Variants in CAPN3 observed in about 807,000 individuals in gnomAD.
The protein encoded by CAPN3 is calpain 3.
A neutral mutation model predicts 114.0 loss-of-function variants in CAPN3; 88 were observed. That is an observed-to-expected ratio of 0.77 (90% CI 0.65 to 0.92). The LOEUF (loss-of-function observed/expected upper bound fraction) is 0.92, where lower values mean the gene tolerates loss of function less well. CAPN3 is among the 40% of genes least tolerant of loss of function. CAPN3 has a pLI of 0.00. For synonymous variants in CAPN3, 386 were observed against 382.9 expected, an observed-to-expected ratio of 1.01 and a Z score of -0.09; for missense variants, 1,028 against 1,069.0, an observed-to-expected ratio of 0.96 and a Z score of 0.53.
At position 42,389,975 on chromosome 15, in the gene CAPN3, G is replaced by A. The variant is rs2053510729; in HGVS notation, c.824G>A (p.Gly275Glu). The change falls in exon 6 of 24, where the codon GGA (glycine) becomes GAA (glutamate). Residue 275 changes from glycine (G) to glutamate (E), a missense_variant. Gly to Glu is a moderately conservative substitution (Grantham distance 98). Transcript: ENST00000397163. ...CAGGATGGCACGAACATGACCTATG[G>A]AACCTCTCCTTCTGGTCTGAACATG... is the stretch of plus-strand genomic sequence containing the variant. Reference protein sequence around the residue: ...SIDDGTNMTYGTSPSGLNMGE... With the variant: ...SIDDGTNMTYETSPSGLNMGE... The A allele has an allele frequency of 6.2e-7, 1 of 1,613,932 alleles. No homozygotes were observed. The highest frequency in any genetic ancestry group is 8.5e-7 in the Non-Finnish European group (1 of 1,180,024).
intron 13 of CAPN3, 133 bp from the exon 14 acceptor site, chr15:42,403,608 G>C (rs1595839467): frequency 1.2e-6 from 1 of 816,074 alleles, no homozygotes; most frequent in Non-Finnish European, 2.2e-6. Context: ...CCTGGGGTTG[G>C]GGTGTTCCAG....
At chr15:42,374,798 T>TC (rs1486221748) in intron 1 of CAPN3, among the ~76,000 whole-genome samples, 2 of 120,076 alleles carry the variant, frequency 1.7e-5, no homozygotes, top group African/African-American at 7.7e-5. Flanking sequence ...ATGTCTCTTT[T>TC]TTTTTTTTTT....
rs2053515486 is a variant in CAPN3 at position 42,390,096 on chromosome 15, G to C, written c.945G>C (p.Arg315=). ...DPRGSDERPT[R]TIIPVQYETR... ...GAGGCTCAGATGAAAGACCGACCCG[G>C]GTGTGTACACCTCCGATTATCAGAA... is the stretch of plus-strand genomic sequence containing the variant. The change falls in exon 6 of 24, where the codon CGG becomes CGC. Residue 315 remains arginine, a splice_region_variant and synonymous_variant. Coordinates refer to ENST00000397163, the MANE Select transcript of CAPN3 (RefSeq NM_000070.3). 4.3e-6 allele frequency: 7 copies of C among 1,613,912 alleles called. No homozygotes were observed. The highest frequency in any genetic ancestry group is 5.1e-6 in the Non-Finnish European group (6 of 1,180,006).
At chr15:42,398,780 C>CTTTT (rs765133190) in intron 9 of CAPN3, among the ~76,000 whole-genome samples, 1,081 of 101,338 alleles carry the variant, frequency 0.011, 167 homozygotes, top group African/African-American at 0.045. Flanking sequence ...AGCATTAGAG[C>CTTTT]TTTTTTTTTT....
chr15:42,388,822 A>C, intron 4 of CAPN3, 106 bp from the exon 5 acceptor site: 1 of 909,964 alleles, frequency 1.1e-6, no homozygotes, highest in Non-Finnish European at 1.9e-6. Context: ...GGAATTGATG[A>C]AAGAACATCA....
At chr15:42,376,686 T>A (rs1384206272) in intron 1 of CAPN3, among the ~76,000 whole-genome samples, 3 of 152,268 alleles carry the variant, frequency 2.0e-5, no homozygotes, top group East Asian at 3.9e-4. Context: ...GTATTAGATA[T>A]CAAGATCTGG....
intron 22 of CAPN3, 37 bp downstream of exon 22, chr15:42,411,037 C>T (rs755800845): frequency 6.8e-7 from 1 of 1,479,590 alleles, no homozygotes; most frequent in Admixed American, 1.7e-5. Flanking sequence ...TGCTCTCTTG[C>T]AGGGGCAGTT....
intron 12 of CAPN3, 192 bp from the exon 13 acceptor site, chr15:42,402,602 C>A: frequency 6.6e-7 from 1 of 1,510,428 alleles, no homozygotes; most frequent in Admixed American, 2.0e-5. Flanking sequence ...GCCATTCACT[C>A]TGAATCACAA....
intron 11 of CAPN3, 58 bp downstream of exon 11, chr15:42,401,868 C>T (rs2053882776): frequency 1.5e-5 from 23 of 1,561,688 alleles, no homozygotes; most frequent in Non-Finnish European, 1.9e-5. Flanking sequence ...GAGGACGCTT[C>T]CAGGGGCTTC....
intron 2 of CAPN3, chr15:42,385,566 A>C (rs1477486990): frequency 2.2e-6 from 1 of 459,184 alleles, no homozygotes; most frequent in African/African-American, 2.0e-5. Context: ...AGAGAAAGAG[A>C]GCAAAGTGTT....
intron 2 of CAPN3, among the ~76,000 whole-genome samples, chr15:42,384,768 G>A (rs28364389): frequency 6.6e-6 from 1 of 152,204 alleles, no homozygotes; most frequent in East Asian, 1.9e-4. Context: ...TGCATCACAG[G>A]GGGTATCTGC....
At chr15:42,371,739 A>G (rs575140682) in intron 1 of CAPN3, among the ~76,000 whole-genome samples, 1 of 152,202 alleles carries the variant, frequency 6.6e-6, no homozygotes, top group African/African-American at 2.4e-5. Context: ...CGAGATGGGC[A>G]GATCACCTGA....
intron 10 of CAPN3, among the ~76,000 whole-genome samples, chr15:42,400,613 G>A (rs143872942): frequency 1.3e-5 from 2 of 152,146 alleles, no homozygotes; most frequent in East Asian, 1.9e-4. Context: ...TTGAGCTCGG[G>A]AGGTTGAGGC....
chr15:42,402,357 A>C, intron 12 of CAPN3: 1 of 1,469,994 alleles, frequency 6.8e-7, no homozygotes. Context: ...CGCACCAGAC[A>C]CTGCACGTCA....
intron 1 of CAPN3, 61 bp from the exon 2 acceptor site, chr15:42,384,422 T>C: frequency 8.3e-7 from 1 of 1,205,884 alleles, no homozygotes; most frequent in East Asian, 2.3e-5. Flanking sequence ...AAAAAATACC[T>C]ATCTATCTAT....
chr15:42,370,810 G>A (rs2052923341), intron 1 of CAPN3, among the ~76,000 whole-genome samples: 1 of 152,142 alleles, frequency 6.6e-6, no homozygotes, highest in South Asian at 2.1e-4. Context: ...AGGTGTGCAA[G>A]GTAAGGTAGC....
chr15:42,391,861 G>T (rs185974413), intron 6 of CAPN3, among the ~76,000 whole-genome samples: 108 of 152,172 alleles, frequency 7.1e-4, no homozygotes, highest in African/African-American at 2.5e-3. Flanking sequence ...GAGGTGAGGG[G>T]ATGTAAAGAA....
intron 3 of CAPN3, 62 bp from the exon 4 acceptor site, chr15:42,387,691 G>T: frequency 1.3e-6 from 2 of 1,598,018 alleles, no homozygotes; most frequent in Non-Finnish European, 1.7e-6. Context: ...GAATGTGGAG[G>T]AAGGACACAT....
At chr15:42,377,300 A>G (rs905904458) in intron 1 of CAPN3, among the ~76,000 whole-genome samples, 2 of 152,108 alleles carry the variant, frequency 1.3e-5, no homozygotes. Flanking sequence ...GTTAGCTGTT[A>G]TTATTTTTGA....
Sources: allele counts gnomAD v4.1 joint callset (sites outside exome capture counted in the v4.1 genomes callset), GRCh38; gene constraint gnomAD v4.1.1; transcripts MANE v1.5; gene names NCBI Gene and HGNC (gene_info 2026-07-23, HGNC 2026-07-21).